Variants in CALN1 observed in about 807,000 individuals in gnomAD.
CALN1 encodes the protein calneuron 1, also known as calcium-binding protein 8.
A neutral mutation model predicts 30.6 loss-of-function variants in CALN1; 17 were observed. That is an observed-to-expected ratio of 0.56 (90% CI 0.38 to 0.83). The LOEUF (loss-of-function observed/expected upper bound fraction) is 0.83. CALN1 is among the 40% of genes least tolerant of loss of function. The pLI is 0.00. For missense variants in CALN1, 291 were observed against 354.9 expected, an observed-to-expected ratio of 0.82 and a Z score of 1.45; for synonymous variants, 156 against 131.4, an observed-to-expected ratio of 1.19 and a Z score of -1.28.
At chr7:72,316,118 T>C (rs1425508471) in intron 2 of CALN1, among the ~76,000 whole-genome samples, 1 of 151,286 alleles carries the variant, frequency 6.6e-6, no homozygotes, top group Non-Finnish European at 1.5e-5. Context: ...ACCACTGCAC[T>C]CCAGCCCAGA....
intron 3 of CALN1, among the ~76,000 whole-genome samples, chr7:72,253,618 G>A (rs1020252168): frequency 2.0e-5 from 3 of 152,214 alleles, no homozygotes; most frequent in African/African-American, 7.2e-5. Context: ...AAAACTCACT[G>A]TCATAAGAAC....
At chr7:72,071,927 GA>G (rs1218472395) in intron 4 of CALN1, among the ~76,000 whole-genome samples, 1 of 151,982 alleles carries the variant, frequency 6.6e-6, no homozygotes, top group East Asian at 1.9e-4. Flanking sequence ...CAGGCAGAAG[GA>G]AAAAAAGATC....
At chr7:72,315,369 G>C (rs1285058494) in intron 2 of CALN1, among the ~76,000 whole-genome samples, 1 of 152,060 alleles carries the variant, frequency 6.6e-6, no homozygotes, top group Non-Finnish European at 1.5e-5. Context: ...CAGCCAATAA[G>C]TATATGAAAA....
chr7:72,161,797 T>A (rs1788132083), intron 3 of CALN1, among the ~76,000 whole-genome samples: 1 of 151,500 alleles, frequency 6.6e-6, no homozygotes, highest in African/African-American at 2.4e-5. Context: ...AGGGAGAGCA[T>A]CCGGAAGAAT....
chr7:71,937,234 C>T (rs933657260), intron 5 of CALN1, among the ~76,000 whole-genome samples: 2 of 151,880 alleles, frequency 1.3e-5, no homozygotes, highest in African/African-American at 4.8e-5. Context: ...TGCTTGAACC[C>T]GGGAGACAGA....
chr7:72,114,822 C>T (rs1250355573), intron 3 of CALN1, among the ~76,000 whole-genome samples: 4 of 152,032 alleles, frequency 2.6e-5, no homozygotes, highest in Admixed American at 1.3e-4. Flanking sequence ...GGCGAAACCC[C>T]GTCTCTACTA....
At chr7:72,335,799 C>T (rs1801984641) in intron 2 of CALN1, among the ~76,000 whole-genome samples, 1 of 152,070 alleles carries the variant, frequency 6.6e-6, no homozygotes, top group Non-Finnish European at 1.5e-5. Context: ...AAGGCTAAGA[C>T]GCAAGCCGAT....
intron 2 of CALN1, among the ~76,000 whole-genome samples, chr7:72,306,828 C>G (rs1020525534): frequency 1.3e-5 from 2 of 152,132 alleles, no homozygotes; most frequent in African/African-American, 4.8e-5. Flanking sequence ...ACCTGGTTCT[C>G]AGGACCTCTT....
At chr7:72,046,709 TAAAAAAAAAAAAAA>T (rs59664699) in intron 4 of CALN1, among the ~76,000 whole-genome samples, 52 of 51,866 alleles carry the variant, frequency 1.0e-3, no homozygotes, top group South Asian at 4.9e-3. Context: ...GACTCCCTCT[TAAAAAAAAAAAAAA>T]AAAAAAAAAA....
chr7:71,837,030 G>A (rs1054741665), intron 5 of CALN1, among the ~76,000 whole-genome samples: 8 of 151,282 alleles, frequency 5.3e-5, no homozygotes, highest in Admixed American at 2.6e-4. Context: ...TCAGGAGTTC[G>A]AGTTCCGCCT....
At chr7:72,397,710 T>TCACACACACACACACACACACACACA (rs1286894513) in intron 2 of CALN1, among the ~76,000 whole-genome samples, 1 of 57,298 alleles carries the variant, frequency 1.7e-5, no homozygotes, top group Non-Finnish European at 3.3e-5. Context: ...GCACCCATTC[T>TCACACACACACACACACACACACACA]CTCTCACACA....
At chr7:72,491,698 C>T in the CALN1 span, among the ~76,000 whole-genome samples, 6 of 152,156 alleles carry the variant, frequency 3.9e-5, no homozygotes, top group African/African-American at 1.4e-4. Flanking sequence ...CAGGACAAGC[C>T]TCTGCCCTGT....
At chr7:72,016,055 C>T (rs1399602200) in intron 5 of CALN1, among the ~76,000 whole-genome samples, 1 of 152,028 alleles carries the variant, frequency 6.6e-6, no homozygotes, top group Non-Finnish European at 1.5e-5. Context: ...TCCAGACCAG[C>T]CTGGCCAACA....
intron 6 of CALN1, among the ~76,000 whole-genome samples, chr7:71,788,880 G>A (rs553277046): frequency 2.0e-4 from 30 of 151,790 alleles, no homozygotes; most frequent in East Asian, 9.9e-4. Flanking sequence ...GGATGATCTC[G>A]ATCTCCTGAC....
chr7:72,300,635 G>T (rs375623015), intron 2 of CALN1, among the ~76,000 whole-genome samples: 125 of 152,164 alleles, frequency 8.2e-4, no homozygotes, highest in African/African-American at 2.9e-3. Context: ...ATGATATAGG[G>T]AACAAAATAG....
At chr7:71,896,330 T>C (rs945310526) in intron 5 of CALN1, among the ~76,000 whole-genome samples, 2 of 152,188 alleles carry the variant, frequency 1.3e-5, no homozygotes, top group African/African-American at 4.8e-5. Flanking sequence ...ATATCATCTC[T>C]CTTTACTAAT....
At chr7:72,402,986 G>C (rs1353975518) in intron 2 of CALN1, among the ~76,000 whole-genome samples, 1 of 152,130 alleles carries the variant, frequency 6.6e-6, no homozygotes, top group Non-Finnish European at 1.5e-5. Flanking sequence ...ATTTGTCATT[G>C]TTCACCTGAA....
At chr7:72,274,956 G>T (rs1244148227) in intron 3 of CALN1, among the ~76,000 whole-genome samples, 1 of 152,120 alleles carries the variant, frequency 6.6e-6, no homozygotes, top group Non-Finnish European at 1.5e-5. Flanking sequence ...AGCTGAAAAT[G>T]ACCTGCGTGG....
intron 2 of CALN1, among the ~76,000 whole-genome samples, chr7:72,376,084 G>A (rs1460837679): frequency 6.6e-6 from 1 of 152,110 alleles, no homozygotes; most frequent in Non-Finnish European, 1.5e-5. Flanking sequence ...TATTCCTTTA[G>A]TTGGCTAGTT....
Sources: allele counts gnomAD v4.1 joint callset (sites outside exome capture counted in the v4.1 genomes callset), GRCh38; gene constraint gnomAD v4.1.1; transcripts MANE v1.5; gene names NCBI Gene and HGNC (gene_info 2026-07-23, HGNC 2026-07-21).